CRMP1: variants seen among roughly 807,000 people sequenced by gnomAD.
CRMP1 encodes the protein dihydropyrimidinase-related protein 1.
In CRMP1, 19 loss-of-function variants were observed where a neutral mutation model predicts 68.3. That is an observed-to-expected ratio of 0.28 (90% CI 0.19 to 0.41). CRMP1 has a LOEUF of 0.41. Ranked by LOEUF, CRMP1 falls within the 10% of genes least tolerant of loss-of-function variation. CRMP1 has a pLI of 1.00. For missense variants in CRMP1, 791 were observed against 967.4 expected (o/e 0.82, Z 2.42); for synonymous variants, 439 against 399.6 (o/e 1.10, Z -1.18).
Position 5,821,148 on chromosome 4 carries a change from T to TCTGCAACCTAGTGCAAGGCTTCC in CRMP1, c.*589_*611dup, listed in dbSNP as rs1329385848. Reference sequence around the variant, plus strand: ...TGACACAGGATGTGGAGGATGCTTCTCTGCAACCTAGTGCAAGGCTTCCCC... The same window carrying TCTGCAACCTAGTGCAAGGCTTCC: ...TGACACAGGATGTGGAGGATGCTTCTCTGCAACCTAGTGCAAGGCTTCCCTGCAACCTAGTGCAAGGCTTCCCC... On this transcript the variant is annotated 3_prime_UTR_variant, in exon 14 of 14. Transcript: ENST00000324989. This position sits in a 1 kb window ranked among gnomAD's most constrained non-coding sequence, Gnocchi z 4.4. 1.3e-5 allele frequency: 2 copies of TCTGCAACCTAGTGCAAGGCTTCC among 152,636 alleles called. No individual in the cohort carries two copies. The highest frequency in any genetic ancestry group is 2.9e-5 in the Non-Finnish European group (2 of 68,332). The allele number at this position is 152,636 out of a possible 1,614,324, so 9.5% of individuals were successfully genotyped here.
rs1577772634 is a variant in CRMP1 at position 5,842,606 on chromosome 4, A to T, written c.1032+487T>A. Among the ~76,000 whole-genome samples the T allele has an allele frequency of 6.6e-6, 1 of 150,522 alleles. No individual in the cohort carries two copies. The highest frequency in any genetic ancestry group is 6.6e-5 in the Admixed American group (1 of 15,046). On this transcript the variant is annotated intron_variant, in intron 7 of 13. Coordinates refer to ENST00000324989, the MANE Select transcript of CRMP1 (RefSeq NM_001014809.3). The surrounding 1 kb of genome is among the most constrained non-coding windows in gnomAD (Gnocchi z 4.5). ...CACACTCACACACTCTCTCACACAC[A>T]CACACACACACTCACTCACACACAC... is the stretch of plus-strand genomic sequence containing the variant.
intron 6 of CRMP1, among the ~76,000 whole-genome samples, chr4:5,847,554 A>T (rs144702120): frequency 6.6e-6 from 1 of 152,304 alleles, no homozygotes; most frequent in East Asian, 1.9e-4. Flanking sequence ...TGCATGATGG[A>T]ACTAAGGCAC....
rs547447017 is a variant in CRMP1, at chr4:5,858,202, G to A, written c.656-1895C>T. Among the ~76,000 whole-genome samples, 340 of 151,876 alleles carry A rather than the reference G, an allele frequency of 2.2e-3. 1 individual carries two copies. Among genetic ancestry groups the A allele is most frequent in the African/African-American group, 6.9e-3 (286 of 41,406 alleles). On this transcript the variant is annotated intron_variant, in intron 3 of 13. Coordinates refer to ENST00000324989, the MANE Select transcript of CRMP1 (RefSeq NM_001014809.3). The surrounding 1 kb of genome is among the most constrained non-coding windows in gnomAD (Gnocchi z 5.5). The stretch of plus-strand genomic sequence containing the variant: ...CCTTTGTCCTACTTCTTTGGCTGCC[G>A]CTTCTCAATCATCCTGAGGACTCCA...
chr4:5,880,056 A>G (rs1715127522), intron 1 of CRMP1, among the ~76,000 whole-genome samples: 1 of 152,194 alleles, frequency 6.6e-6, no homozygotes. Context: ...GACTCTTGAG[A>G]ACAAAAGTAA....
At position 5,848,418 on chromosome 4, in the gene CRMP1, C is replaced by T. The variant is rs905836550; in HGVS notation, c.963+974G>A. On this transcript the variant is annotated intron_variant, in intron 6 of 13. Coordinates refer to ENST00000324989, the MANE Select transcript of CRMP1 (RefSeq NM_001014809.3). ...ATGTTGGCCAGGCTGGTCTCACACTCTTGGCCTCAAGTGATCAGCCCACCT... is the reference window on the plus strand; with the variant it reads ...ATGTTGGCCAGGCTGGTCTCACACTTTTGGCCTCAAGTGATCAGCCCACCT... 7.2e-5 allele frequency among the ~76,000 whole-genome samples: 11 copies of T among 152,348 alleles called. No individual in the cohort carries two copies. The East Asian group carries it at 2.1e-3, about 29-fold the overall frequency.
At position 5,858,349 on chromosome 4, in the gene CRMP1, G is replaced by T. The variant is rs939555860; in HGVS notation, c.656-2042C>A. On this transcript the variant is annotated intron_variant, in intron 3 of 13. Coordinates refer to ENST00000324989, the MANE Select transcript of CRMP1 (RefSeq NM_001014809.3). This position sits in a 1 kb window ranked among gnomAD's most constrained non-coding sequence, Gnocchi z 5.5. ...CGGTTGTGTTCTTGGCTTCTCCACCGAGATGACTCAAAAGCTCCCCCAAAT... is the reference window on the plus strand; with the variant it reads ...CGGTTGTGTTCTTGGCTTCTCCACCTAGATGACTCAAAAGCTCCCCCAAAT... Among the ~76,000 whole-genome samples the T allele has an allele frequency of 6.6e-6, 1 of 151,854 alleles. No individual in the cohort carries two copies. The highest frequency in any genetic ancestry group is 2.4e-5 in the African/African-American group (1 of 41,324).
intron 2 of CRMP1, among the ~76,000 whole-genome samples, chr4:5,862,685 A>C (rs766338721): frequency 3.3e-5 from 5 of 152,012 alleles, no homozygotes; most frequent in Non-Finnish European, 7.4e-5. Context: ...GTAGACATGC[A>C]CGTGGTGTGT....
In CRMP1 at chr4:5,881,405, C is replaced by T. The variant is rs925707200; in HGVS notation, c.381+11184G>A. On this transcript the variant is annotated intron_variant, in intron 1 of 13. Transcript: ENST00000324989. This position sits in a 1 kb window ranked among gnomAD's most constrained non-coding sequence, Gnocchi z 4.6. Reference sequence around the variant, plus strand: ...TACTTTCAAATCATATAAAATTTTGCAGCATTCTTGAAGGATTAAAGACCT... The same window carrying T: ...TACTTTCAAATCATATAAAATTTTGTAGCATTCTTGAAGGATTAAAGACCT... Among the ~76,000 whole-genome samples, 1 of 152,132 alleles carries T rather than the reference C, an allele frequency of 6.6e-6. No homozygotes were observed. Among genetic ancestry groups the T allele is most frequent in the Non-Finnish European group, 1.5e-5 (1 of 68,030 alleles).
In CRMP1 at chr4:5,859,794, C is replaced by A. The variant is rs568333631; in HGVS notation, c.655+1232G>T. On this transcript the variant is annotated intron_variant, in intron 3 of 13. Transcript: ENST00000324989. This position sits in a 1 kb window ranked among gnomAD's most constrained non-coding sequence, Gnocchi z 5.2. Reference sequence around the variant, plus strand: ...TCCTGGCTCAGGGACTTGGCAAACTCTGCCCATGGCGGTGGGCTTCAGCCC... The same window carrying A: ...TCCTGGCTCAGGGACTTGGCAAACTATGCCCATGGCGGTGGGCTTCAGCCC... Among the ~76,000 whole-genome samples the A allele has an allele frequency of 1.3e-5, 2 of 152,274 alleles. No individual in the cohort carries two copies. The highest frequency in any genetic ancestry group is 4.8e-5 in the African/African-American group (2 of 41,560).
intron 1 of CRMP1, among the ~76,000 whole-genome samples, chr4:5,875,297 G>A (rs992326251): frequency 1.1e-4 from 16 of 151,686 alleles, no homozygotes; most frequent in African/African-American, 9.7e-5. Context: ...AAACCTCCCC[G>A]GGTTCTGTTC....
Position 5,842,974 on chromosome 4 carries a change from GTC to G in CRMP1, c.1032+117_1032+118del. The G allele has an allele frequency of 4.3e-6, 4 of 933,794 alleles. No homozygotes were observed. The South Asian group carries it at 5.8e-5, about 14-fold the overall frequency. 57.8% of individuals were successfully genotyped at this position (933,794 alleles called of 1,614,324 possible). On this transcript the variant is annotated intron_variant, in intron 7 of 13. Transcript: ENST00000324989. This position sits in a 1 kb window ranked among gnomAD's most constrained non-coding sequence, Gnocchi z 4.5. ...GGGGAAAACAAGATGGTTTGGGATG[GTC>G]TGGGAGAGGACACGGGAAGAGGCCG...
rs367865612 is a variant in CRMP1 at position 5,841,443 on chromosome 4, C to T, written c.1033-15G>A. The T allele has an allele frequency of 1.9e-5, 30 of 1,613,556 alleles. No homozygotes were observed. In the African/African-American group the frequency reaches 3.6e-4, roughly 19 times the overall value. ...TCGGCCTCCAGCTGAACACGGCACA[C>T]ACAGTGTCACAGGAGGGAAGGCTGG... On this transcript the variant is annotated splice_polypyrimidine_tract_variant and intron_variant, in intron 7 of 13. Transcript: ENST00000324989. The surrounding 1 kb of genome is among the most constrained non-coding windows in gnomAD (Gnocchi z 6.9).
Position 5,825,383 on chromosome 4 carries a change from G to C in CRMP1, c.1969+111C>G. ...TCGGGTGGGGCACACTCCCTTCCCT[G>C]CTTCTTCATCTAGTGTCCAAGGCCA... On this transcript the variant is annotated intron_variant, in intron 13 of 13. Coordinates refer to ENST00000324989, the MANE Select transcript of CRMP1 (RefSeq NM_001014809.3). This position sits in a 1 kb window ranked among gnomAD's most constrained non-coding sequence, Gnocchi z 4.4. 6.8e-7 allele frequency: 1 copy of C among 1,463,408 alleles called. No homozygotes were observed. The highest frequency in any genetic ancestry group is 1.6e-5 in the South Asian group (1 of 64,080). The allele number at this position is 1,463,408 out of a possible 1,614,324, so 90.7% of individuals were successfully genotyped here.
intron 1 of CRMP1, chr4:5,887,606 G>A (rs1179470007): frequency 2.0e-6 from 2 of 984,856 alleles, no homozygotes; most frequent in Non-Finnish European, 2.4e-6. Context: ...GCGGCCCAGC[G>A]TCGGGAACAT....
rs150797245 is a variant in CRMP1, at chr4:5,821,690, A to C, written c.*70T>G. 9.1e-4 allele frequency: 1,320 copies of C among 1,453,702 alleles called. 1 individual carries two copies. Among genetic ancestry groups the C allele is most frequent in the Non-Finnish European group, 1.1e-3 (1,213 of 1,064,964 alleles). The allele number at this position is 1,453,702 out of a possible 1,614,324, so 90.1% of individuals were successfully genotyped here. The stretch of plus-strand genomic sequence containing the variant: ...ACCAACTAAAACTGTGGGTTTCAAA[A>C]ACACTGACAGGAAAAGGGATGGACA... On this transcript the variant is annotated 3_prime_UTR_variant, in exon 14 of 14. Coordinates refer to ENST00000324989, the MANE Select transcript of CRMP1 (RefSeq NM_001014809.3). This position sits in a 1 kb window ranked among gnomAD's most constrained non-coding sequence, Gnocchi z 4.4.
At chr4:5,869,076 C>T (rs374026865) in intron 1 of CRMP1, among the ~76,000 whole-genome samples, 6 of 152,086 alleles carry the variant, frequency 3.9e-5, no homozygotes, top group Middle Eastern at 3.4e-3. Context: ...CTCAGACTCC[C>T]GAATATTTGA....
intron 12 of CRMP1, chr4:5,828,226 C>G: frequency 1.0e-6 from 1 of 985,384 alleles, no homozygotes; most frequent in Non-Finnish European, 1.2e-6. Flanking sequence ...GGTAAGCGTC[C>G]CTCCCATGAT....
rs1213320159 is a variant in CRMP1, at chr4:5,861,010, G to C, written c.655+16C>G. ...TCACAGTCTATGTCCCTAAGGCAGG[G>C]GACAGTGTCACTCACTGATCATCGT... On this transcript the variant is annotated intron_variant, in intron 3 of 13. Transcript: ENST00000324989. The surrounding 1 kb of genome is among the most constrained non-coding windows in gnomAD (Gnocchi z 6.0). 3.1e-6 allele frequency: 5 copies of C among 1,612,574 alleles called. No homozygotes were observed. Among genetic ancestry groups the C allele is most frequent in the Non-Finnish European group, 4.2e-6 (5 of 1,179,450 alleles).
rs541114773 is a variant in CRMP1, at chr4:5,889,719, C to G, written c.381+2870G>C. On this transcript the variant is annotated intron_variant, in intron 1 of 13. Coordinates refer to ENST00000324989, the MANE Select transcript of CRMP1 (RefSeq NM_001014809.3). This position sits in a 1 kb window ranked among gnomAD's most constrained non-coding sequence, Gnocchi z 4.5. ...ATCTTTTCTGCTTTCAAGTTGCCAT[C>G]CAGAGCGAGGGTGGCCTAGGCTTGG... 45 of 1,535,900 alleles carry G rather than the reference C, an allele frequency of 2.9e-5. No individual in the cohort carries two copies. In the East Asian group the frequency reaches 1.1e-3, roughly 37 times the overall value.
Sources: allele counts gnomAD v4.1 joint callset (sites outside exome capture counted in the v4.1 genomes callset), GRCh38; gene constraint gnomAD v4.1.1; non-coding constraint Gnocchi (gnomAD v3.1); transcripts MANE v1.5; gene names NCBI Gene and HGNC (gene_info 2026-07-23, HGNC 2026-07-21).